The following FSHR variants were observed in gnomAD, a reference collection of about 807,000 sequenced individuals.
FSHR encodes the protein follicle-stimulating hormone receptor.
Under a neutral mutation model 52.1 loss-of-function variants are expected in FSHR, and 46 were observed. The observed-to-expected ratio is 0.88, with a 90% CI of 0.70 to 1.13. The LOEUF is 1.13. Among genes scored for constraint, FSHR ranks in the 50% most tolerant of loss-of-function variants. The pLI, the probability that FSHR is intolerant of heterozygous loss-of-function variation, is 0.00. For missense variants in FSHR, 964 were observed against 834.6 expected (o/e 1.16, Z -1.91); for synonymous variants, 399 against 309.6 (o/e 1.29, Z -3.03).
intron 1 of FSHR, among the ~76,000 whole-genome samples, chr2:49,126,792 A>C (rs1672013850): frequency 6.6e-6 from 1 of 152,182 alleles, no homozygotes; most frequent in Admixed American, 6.5e-5. Context: ...TTCACTTCTA[A>C]TCTTGGGCTC....
At chr2:49,030,271 AGTGTGTGTGTGTGT>A (rs141079184) in intron 2 of FSHR, among the ~76,000 whole-genome samples, 33 of 140,466 alleles carry the variant, frequency 2.3e-4, no homozygotes, top group East Asian at 6.2e-4. Flanking sequence ...AGGAATAGCA[AGTGTGTGTGTGTGT>A]GTGTGTGTGT....
At chr2:49,023,352 GATGA>G (rs1317597448) in intron 2 of FSHR, among the ~76,000 whole-genome samples, 4 of 152,096 alleles carry the variant, frequency 2.6e-5, no homozygotes, top group Non-Finnish European at 4.4e-5. Context: ...ATGATTACTG[GATGA>G]ATGAATGGAT....
At chr2:49,051,576 C>T (rs1668857011) in intron 2 of FSHR, among the ~76,000 whole-genome samples, 1 of 151,888 alleles carries the variant, frequency 6.6e-6, no homozygotes, top group Admixed American at 6.6e-5. Context: ...AAGATATGTT[C>T]TTGATACAAG....
intron 2 of FSHR, among the ~76,000 whole-genome samples, chr2:49,049,121 C>T (rs993693992): frequency 6.0e-5 from 9 of 151,080 alleles, no homozygotes; most frequent in East Asian, 1.9e-4. Flanking sequence ...ATTTTTAACT[C>T]GAGTATTATG....
chr2:49,066,255 T>C (rs1266751289), intron 2 of FSHR, among the ~76,000 whole-genome samples: 1 of 152,066 alleles, frequency 6.6e-6, no homozygotes, highest in Non-Finnish European at 1.5e-5. Context: ...GTTGGTCACA[T>C]GTGCAGAATG....
chr2:49,150,465 T>C (rs1005270670), intron 1 of FSHR, among the ~76,000 whole-genome samples: 5 of 152,132 alleles, frequency 3.3e-5, no homozygotes, highest in African/African-American at 9.7e-5. Context: ...GCAACATTAT[T>C]ATCATCAACA....
chr2:49,137,301 A>T (rs1489509550), intron 1 of FSHR, among the ~76,000 whole-genome samples: 5 of 152,114 alleles, frequency 3.3e-5, no homozygotes, highest in Non-Finnish European at 2.9e-5. Flanking sequence ...AAAGGAGTAC[A>T]AAACTTATGT....
At chr2:49,103,036 T>G (rs1031829934) in intron 1 of FSHR, among the ~76,000 whole-genome samples, 5 of 152,182 alleles carry the variant, frequency 3.3e-5, no homozygotes, top group Admixed American at 1.3e-4. Context: ...CCATGAAAAT[T>G]TAATACCACA....
At chr2:49,130,993 T>G (rs1672244039) in intron 1 of FSHR, among the ~76,000 whole-genome samples, 1 of 152,168 alleles carries the variant, frequency 6.6e-6, no homozygotes, top group Admixed American at 6.5e-5. Flanking sequence ...ATAAATTGAT[T>G]TCTCTGGGAG....
intron 2 of FSHR, among the ~76,000 whole-genome samples, chr2:49,035,271 C>G (rs1350230634): frequency 6.6e-6 from 1 of 152,228 alleles, no homozygotes. Context: ...ATGCAACTTG[C>G]TCCCATGAGC....
At chr2:49,109,961 C>A (rs1291713105) in intron 1 of FSHR, among the ~76,000 whole-genome samples, 2 of 152,058 alleles carry the variant, frequency 1.3e-5, no homozygotes, top group African/African-American at 4.8e-5. Flanking sequence ...TGGGGCTATG[C>A]AGGTGTCAGA....
At chr2:49,066,093 G>A (rs764456747) in intron 2 of FSHR, among the ~76,000 whole-genome samples, 1 of 152,096 alleles carries the variant, frequency 6.6e-6, no homozygotes, top group Non-Finnish European at 1.5e-5. Flanking sequence ...GCTAAGAAGC[G>A]ATTGAAAAGA....
At chr2:48,994,764 G>A (rs1307649307) in intron 4 of FSHR, among the ~76,000 whole-genome samples, 2 of 152,100 alleles carry the variant, frequency 1.3e-5, no homozygotes, top group Non-Finnish European at 2.9e-5. Flanking sequence ...ACAGTTAAAG[G>A]CCTGAGGGTA....
At chr2:49,093,885 C>T (rs1171134375) in intron 1 of FSHR, among the ~76,000 whole-genome samples, 1 of 151,930 alleles carries the variant, frequency 6.6e-6, no homozygotes, top group Non-Finnish European at 1.5e-5. Flanking sequence ...GCATGAGCCA[C>T]TGTGCCTGGC....
At chr2:49,123,121 A>G (rs1233064692) in intron 1 of FSHR, among the ~76,000 whole-genome samples, 2 of 152,194 alleles carry the variant, frequency 1.3e-5, no homozygotes, top group Admixed American at 1.3e-4. Context: ...TGAGTCATAT[A>G]GAGTCTATTT....
chr2:49,103,813 T>C (rs978335022), intron 1 of FSHR, among the ~76,000 whole-genome samples: 2 of 152,160 alleles, frequency 1.3e-5, no homozygotes, highest in Admixed American at 6.6e-5. Context: ...TGACTCTATC[T>C]ATGCCCTGGA....
At chr2:49,073,412 C>T (rs1669825966) in intron 1 of FSHR, among the ~76,000 whole-genome samples, 1 of 151,970 alleles carries the variant, frequency 6.6e-6, no homozygotes, top group South Asian at 2.1e-4. Context: ...ACATAAACAA[C>T]ATGCTGGCTG....
intron 1 of FSHR, among the ~76,000 whole-genome samples, chr2:49,136,506 A>T (rs1031343082): frequency 1.3e-5 from 2 of 152,138 alleles, no homozygotes; most frequent in Non-Finnish European, 2.9e-5. Flanking sequence ...TTTTGCACTC[A>T]TTCTATGAGG....
chr2:49,041,763 C>T (rs1448707448), intron 2 of FSHR, among the ~76,000 whole-genome samples: 1 of 151,592 alleles, frequency 6.6e-6, no homozygotes, highest in Non-Finnish European at 1.5e-5. Context: ...CCTTAGGGAA[C>T]TTCCTTCCTT....
Sources: gnomAD v4.1 joint callset for allele counts (sites outside exome capture counted in the v4.1 genomes callset) on GRCh38, gnomAD v4.1.1 for gene constraint, MANE v1.5 for transcripts, NCBI Gene and HGNC (gene_info 2026-07-23, HGNC 2026-07-21) for gene names.